The following RANBP2 variants were observed in gnomAD, a reference collection of about 807,000 sequenced individuals.
RANBP2 encodes the protein RAN binding protein 2, also known as E3 SUMO-protein ligase RanBP2.
In RANBP2, 57 loss-of-function variants were observed where a neutral mutation model predicts 303.6. That is an observed-to-expected ratio of 0.19 (90% CI 0.15 to 0.23). The LOEUF is 0.23. RANBP2 is among the 10% of genes least tolerant of loss of function. The pLI is 1.00. For synonymous variants in RANBP2, 1,167 were observed against 1,301.5 expected (o/e 0.90, Z 2.23); for missense variants, 3,138 against 3,780.8 (o/e 0.83, Z 4.46).
At chr2:109,639,082 T>A in the RANBP2 span, among the ~76,000 whole-genome samples, 218 of 152,346 alleles carry the variant, frequency 1.4e-3, 1 homozygote, top group African/African-American at 5.1e-3. Flanking sequence ...TCATTGTATA[T>A]TCCTTTCATA....
chr2:109,418,110 C>A, the RANBP2 span, among the ~76,000 whole-genome samples: 1 of 152,220 alleles, frequency 6.6e-6, no homozygotes, highest in African/African-American at 2.4e-5. Context: ...GCCTCTGCAC[C>A]CCACCAAACC....
chr2:108,899,988 AAAT>A, the RANBP2 span, among the ~76,000 whole-genome samples: 6 of 152,072 alleles, frequency 3.9e-5, no homozygotes, highest in Non-Finnish European at 7.4e-5. Context: ...TCCATGTCAA[AAAT>A]AATAATAATA....
At chr2:109,671,346 A>G in the RANBP2 span, among the ~76,000 whole-genome samples, 1 of 151,820 alleles carries the variant, frequency 6.6e-6, no homozygotes, top group East Asian at 1.9e-4. Flanking sequence ...CCTTGTAGGG[A>G]GGGCCGGTGC....
At chr2:109,635,125 C>T in the RANBP2 span, among the ~76,000 whole-genome samples, 2 of 151,414 alleles carry the variant, frequency 1.3e-5, no homozygotes, top group Non-Finnish European at 2.9e-5. Flanking sequence ...AAAAAAGAAA[C>T]TCCAGTGTTC....
chr2:109,182,304 A>G, the RANBP2 span, among the ~76,000 whole-genome samples: 2 of 152,324 alleles, frequency 1.3e-5, no homozygotes, highest in East Asian at 3.9e-4. Context: ...ATGTGAGAGA[A>G]TGGGGCTGAA....
At chr2:109,553,621 G>A in the RANBP2 span, among the ~76,000 whole-genome samples, 2 of 151,346 alleles carry the variant, frequency 1.3e-5, no homozygotes, top group African/African-American at 4.9e-5. Flanking sequence ...GGGAGGCTGA[G>A]GTGGGCAGAT....
At chr2:108,744,130 A>G (rs990479357) in intron 7 of RANBP2, among the ~76,000 whole-genome samples, 1 of 152,238 alleles carries the variant, frequency 6.6e-6, no homozygotes, top group Non-Finnish European at 1.5e-5. Flanking sequence ...ATAGCCAGGC[A>G]CGGTGGCTCA....
At chr2:109,263,459 A>G in the RANBP2 span, among the ~76,000 whole-genome samples, 1 of 152,238 alleles carries the variant, frequency 6.6e-6, no homozygotes, top group East Asian at 1.9e-4. Flanking sequence ...GTAATGAAAT[A>G]GTAGCTAGAA....
intron 25 of RANBP2, among the ~76,000 whole-genome samples, chr2:108,777,663 A>G (rs1216981312): frequency 2.0e-5 from 3 of 152,200 alleles, no homozygotes; most frequent in East Asian, 1.9e-4. Context: ...TGCTAAGTTT[A>G]TAATTGGTGT....
chr2:109,761,681 A>T, the RANBP2 span, among the ~76,000 whole-genome samples: 4 of 147,174 alleles, frequency 2.7e-5, no homozygotes, highest in African/African-American at 1.0e-4. Context: ...AAATGTTTCC[A>T]ACCAGCACTA....
chr2:108,894,960 C>A, the RANBP2 span: 1 of 152,232 alleles, frequency 6.6e-6, no homozygotes, highest in African/African-American at 2.4e-5. Context: ...AAGCTGTTAT[C>A]CTGGAATGGC....
chr2:108,903,136 G>A, the RANBP2 span, among the ~76,000 whole-genome samples: 17 of 151,996 alleles, frequency 1.1e-4, no homozygotes, highest in South Asian at 6.2e-4. Flanking sequence ...TTAAATTGTC[G>A]TTTACAGTGG....
In RANBP2 at chr2:108,772,573, A is replaced by G; in HGVS notation, c.8105A>G (p.Asn2702Ser). 6.2e-7 allele frequency: 1 copy of G among 1,613,458 alleles called. No homozygotes were observed. The highest frequency in any genetic ancestry group is 1.3e-5 in the African/African-American group (1 of 75,046). ...GSEKCRPLEE[N>S]TADNEKECII... ...GAAAAATGTAGACCCTTGGAAGAAA[A>G]TACAGCAGGTATGTTAAGTGTAAAG... Residue 2702 changes from asparagine (N) to serine (S), a missense_variant, in exon 22 of 29, where the codon AAT becomes AGT. By Grantham distance (46) the Asn-to-Ser change is conservative. Coordinates refer to ENST00000283195, the MANE Select transcript of RANBP2 (RefSeq NM_006267.5).
the RANBP2 span, among the ~76,000 whole-genome samples, chr2:109,144,811 T>C: frequency 1.3e-5 from 2 of 152,224 alleles, no homozygotes; most frequent in Admixed American, 6.5e-5. Flanking sequence ...AGCAGAGCAC[T>C]GACCCGGGGT....
chr2:109,576,822 G>A, the RANBP2 span, among the ~76,000 whole-genome samples: 1 of 152,064 alleles, frequency 6.6e-6, no homozygotes, highest in Non-Finnish European at 1.5e-5. Flanking sequence ...GAGCGATTAA[G>A]AGTAAAAGAC....
the RANBP2 span, among the ~76,000 whole-genome samples, chr2:109,261,106 A>G: frequency 5.3e-5 from 8 of 152,290 alleles, no homozygotes; most frequent in Admixed American, 2.0e-4. Flanking sequence ...AAGACGCCCA[A>G]TGGGGGCCCA....
the RANBP2 span, among the ~76,000 whole-genome samples, chr2:109,430,122 G>T: frequency 6.6e-6 from 1 of 152,192 alleles, no homozygotes; most frequent in African/African-American, 2.4e-5. Context: ...CCACTCCAGA[G>T]GAAAGGCAGC....
the RANBP2 span, among the ~76,000 whole-genome samples, chr2:109,409,513 A>T: frequency 6.6e-6 from 1 of 152,058 alleles, no homozygotes; most frequent in African/African-American, 2.4e-5. Flanking sequence ...GCAAATTTGG[A>T]ACTCCTACGG....
downstream of RANBP2, among the ~76,000 whole-genome samples, chr2:108,788,291 G>A (rs1679264287): frequency 6.6e-6 from 1 of 151,992 alleles, no homozygotes; most frequent in Non-Finnish European, 1.5e-5. Context: ...ATGGTGGCGG[G>A]CGCCTGTAAT....
Sources: allele counts gnomAD v4.1 joint callset (sites outside exome capture counted in the v4.1 genomes callset), GRCh38; gene constraint gnomAD v4.1.1; transcripts MANE v1.5; gene names NCBI Gene and HGNC (gene_info 2026-07-23, HGNC 2026-07-21).